PRKAR2B: variants seen among roughly 807,000 people sequenced by gnomAD.
The protein encoded by PRKAR2B is protein kinase cAMP-dependent type II regulatory subunit beta.
A neutral mutation model predicts 49.9 loss-of-function variants in PRKAR2B; 14 were observed. That is an observed-to-expected ratio of 0.28 (90% confidence interval 0.19 to 0.44). PRKAR2B has a LOEUF of 0.44. Ranked by LOEUF, PRKAR2B falls within the 20% of genes least tolerant of loss-of-function variation. The pLI, the probability that PRKAR2B is intolerant of heterozygous loss-of-function variation, is 1.00. For synonymous variants in PRKAR2B, 196 were observed against 197.7 expected, an observed-to-expected ratio of 0.99 and a Z score of 0.07; for missense variants, 393 against 537.9, an observed-to-expected ratio of 0.73 and a Z score of 2.67.
At chr7:107,153,362 TTAAA>T in intron 8 of PRKAR2B, 111 bp downstream of exon 8, 1 of 631,142 alleles carries the variant, frequency 1.6e-6, no homozygotes, top group East Asian at 3.0e-5. Context: ...CAGTGATGGG[TTAAA>T]TAAATATTAC....
intron 2 of PRKAR2B, among the ~76,000 whole-genome samples, chr7:107,097,124 A>C (rs1359709456): frequency 3.3e-5 from 5 of 152,180 alleles, no homozygotes; most frequent in Non-Finnish European, 7.3e-5. Context: ...AAAGTCTCCC[A>C]TTATTATTGT....
In PRKAR2B at chr7:107,139,887, G is replaced by C. The variant is rs140026769; in HGVS notation, c.481-960G>C. ...CTTTGAATCTATCTTCAACTCTTTA[G>C]TTTATGTATAATAGTAATTGATTTT... On this transcript the variant is annotated intron_variant, in intron 4 of 10. Coordinates refer to ENST00000265717, the MANE Select transcript of PRKAR2B (RefSeq NM_002736.3). Among the ~76,000 whole-genome samples, 1,070 of 152,176 alleles carry C rather than the reference G, an allele frequency of 7.0e-3. 8 individuals carry two copies. Among genetic ancestry groups the C allele is most frequent in the Non-Finnish European group, 0.011 (756 of 68,012 alleles).
intron 2 of PRKAR2B, among the ~76,000 whole-genome samples, chr7:107,087,551 T>C (rs1232190363): frequency 6.6e-6 from 1 of 152,158 alleles, no homozygotes; most frequent in African/African-American, 2.4e-5. Context: ...CTGTTACTGT[T>C]CTAATGTTAC....
intron 2 of PRKAR2B, among the ~76,000 whole-genome samples, chr7:107,101,875 C>CTTTTTTTTTTT (rs10589473): frequency 1.1e-5 from 1 of 94,256 alleles, no homozygotes; most frequent in Non-Finnish European, 2.0e-5. Context: ...AGCCCTGATC[C>CTTTTTTTTTTT]TTTTTTTTTT....
chr7:107,060,513 T>C (rs1794006013), intron 1 of PRKAR2B, among the ~76,000 whole-genome samples: 2 of 152,212 alleles, frequency 1.3e-5, no homozygotes, highest in African/African-American at 4.8e-5. Context: ...GTTCATTGAC[T>C]GTATTTGTAG....
intron 2 of PRKAR2B, among the ~76,000 whole-genome samples, chr7:107,076,770 T>C (rs932580910): frequency 2.6e-5 from 4 of 152,246 alleles, no homozygotes; most frequent in Admixed American, 6.5e-5. Context: ...CTGTAAACTA[T>C]GATGTAGAAT....
chr7:107,055,180 T>C (rs976289700), intron 1 of PRKAR2B, among the ~76,000 whole-genome samples: 3 of 152,232 alleles, frequency 2.0e-5, no homozygotes, highest in African/African-American at 7.2e-5. Context: ...CCATGGTGTA[T>C]ATGTGCCACA....
At chr7:107,159,093 C>T (rs1272479185) in intron 10 of PRKAR2B, among the ~76,000 whole-genome samples, 1 of 152,162 alleles carries the variant, frequency 6.6e-6, no homozygotes, top group Non-Finnish European at 1.5e-5. Context: ...TCTTGTGCCA[C>T]CCTTGAGGAG....
intron 2 of PRKAR2B, among the ~76,000 whole-genome samples, chr7:107,096,424 G>A (rs200915017): frequency 6.7e-6 from 1 of 149,766 alleles, no homozygotes; most frequent in African/African-American, 2.4e-5. Context: ...CTAGCGGTCT[G>A]TCAATTTTGT....
chr7:107,086,431 T>C (rs1313078564), intron 2 of PRKAR2B, among the ~76,000 whole-genome samples: 1 of 152,160 alleles, frequency 6.6e-6, no homozygotes, highest in African/African-American at 2.4e-5. Flanking sequence ...CTAGTAGCAT[T>C]ACTAATATTA....
chr7:107,120,361 T>A (rs1795365789), intron 2 of PRKAR2B, among the ~76,000 whole-genome samples: 2 of 152,094 alleles, frequency 1.3e-5, no homozygotes, highest in Non-Finnish European at 2.9e-5. Context: ...GAGTCACTGG[T>A]TAAGAGTCTC....
At chr7:107,095,139 C>T (rs7780728) in intron 2 of PRKAR2B, among the ~76,000 whole-genome samples, 17,357 of 152,230 alleles carry the variant, frequency 0.11, 1,128 homozygotes, top group Middle Eastern at 0.18. Context: ...TATCCATGAG[C>T]ATGAAATGTT....
chr7:107,046,299 A>C (rs1306192600), intron 1 of PRKAR2B, among the ~76,000 whole-genome samples: 1 of 152,242 alleles, frequency 6.6e-6, no homozygotes, highest in Admixed American at 6.5e-5. Flanking sequence ...GCATTGCACC[A>C]GCTTTTATTT....
chr7:107,100,499 A>G (rs1430923162), intron 2 of PRKAR2B, among the ~76,000 whole-genome samples: 1 of 152,172 alleles, frequency 6.6e-6, no homozygotes, highest in Non-Finnish European at 1.5e-5. Flanking sequence ...TTCTGTGCTG[A>G]GGTTCATTGA....
At chr7:107,129,491 G>A (rs59681798) in intron 4 of PRKAR2B, among the ~76,000 whole-genome samples, 46 of 152,252 alleles carry the variant, frequency 3.0e-4, no homozygotes, top group Middle Eastern at 6.8e-3. Flanking sequence ...GGCCCTGTAC[G>A]CGCACTAGGC....
At position 107,128,294 on chromosome 7, in the gene PRKAR2B, C is replaced by G. The variant is rs371768848; in HGVS notation, c.479C>G (p.Pro160Arg). Residue 160 changes from proline (P) to arginine (R), a missense_variant and splice_region_variant, in exon 4 of 11, where the codon CCG (proline) becomes CGG (arginine). Pro to Arg is a moderately radical substitution (Grantham distance 103). This residue lies in a region of PRKAR2B where 233 missense variants were observed against 390.4 expected (regional missense o/e 0.60). Coordinates refer to ENST00000265717, the MANE Select transcript of PRKAR2B (RefSeq NM_002736.3). Reference protein sequence around the residue: ...KDILLFKNLDPEQMSQVLDAM... With the variant: ...KDILLFKNLDREQMSQVLDAM... ...ATCCTGCTGTTTAAGAATCTGGATC[C>G]GGTAAGATAAATCTTAATAATAGAA... is the stretch of plus-strand genomic sequence containing the variant. The G allele has an allele frequency of 6.2e-7, 1 of 1,601,224 alleles. No individual in the cohort carries two copies. Among genetic ancestry groups the G allele is most frequent in the Non-Finnish European group, 8.6e-7 (1 of 1,168,366 alleles).
intron 9 of PRKAR2B, 55 bp downstream of exon 9, chr7:107,157,104 T>G: frequency 1.9e-6 from 3 of 1,607,596 alleles, no homozygotes; most frequent in Admixed American, 3.4e-5. Flanking sequence ...ACACAACAGA[T>G]CTACTTTTTG....
chr7:107,161,552 T>C lies in PRKAR2B; in HGVS notation c.*1970T>C, dbSNP rs1353179688. ...CTTTTTTGCTTGTTTCTTTAAAGTTTTCTGACGTGCATAATGCATAATTCA... is the reference window on the plus strand; with the variant it reads ...CTTTTTTGCTTGTTTCTTTAAAGTTCTCTGACGTGCATAATGCATAATTCA... On this transcript the variant is annotated 3_prime_UTR_variant, in exon 11 of 11. Transcript: ENST00000265717. The C allele has an allele frequency of 6.6e-6, 1 of 152,652 alleles. No individual in the cohort carries two copies. The highest frequency in any genetic ancestry group is 1.5e-5 in the Non-Finnish European group (1 of 68,036). The allele number at this position is 152,652 out of a possible 1,614,324, so 9.5% of individuals were successfully genotyped here.
intron 5 of PRKAR2B, among the ~76,000 whole-genome samples, chr7:107,145,464 A>G (rs1273630355): frequency 6.6e-6 from 1 of 152,256 alleles, no homozygotes; most frequent in Non-Finnish European, 1.5e-5. Context: ...TTCATGTTAC[A>G]AACAGAAACT....
Sources: allele counts gnomAD v4.1 joint callset (sites outside exome capture counted in the v4.1 genomes callset), GRCh38; gene constraint gnomAD v4.1.1; regional missense constraint gnomAD v4.1.1; transcripts MANE v1.5; gene names NCBI Gene and HGNC (gene_info 2026-07-23, HGNC 2026-07-21).